Variants in ZBTB48 observed in about 807,000 individuals in gnomAD.
ZBTB48 encodes zinc finger and BTB domain-containing protein 48.
In ZBTB48, 35 loss-of-function variants were observed where a neutral mutation model predicts 64.5. The ratio of observed to expected loss-of-function variants is 0.54; its 90% CI spans 0.41 to 0.72. The LOEUF (loss-of-function observed/expected upper bound fraction) is 0.72. Among genes scored for constraint, ZBTB48 ranks in the 30% least tolerant of loss-of-function variants. ZBTB48 has a pLI of 0.00. For missense variants in ZBTB48, 828 were observed against 895.3 expected, an observed-to-expected ratio of 0.92 and a Z score of 0.96; for synonymous variants, 442 against 356.7, an observed-to-expected ratio of 1.24 and a Z score of -2.70.
intron 3 of ZBTB48, chr1:6,585,558 C>T: frequency 4.6e-6 from 1 of 218,390 alleles, no homozygotes. Flanking sequence ...CCAGTGGAGT[C>T]AGGTGAGGAT....
intron 2 of ZBTB48, among the ~76,000 whole-genome samples, chr1:6,581,642 C>T (rs1226259859): frequency 1.0e-4 from 15 of 149,328 alleles, no homozygotes; most frequent in South Asian, 2.1e-4. Context: ...CCAGCCTAGG[C>T]GACAGAGCAA....
rs1192783412 is a variant in ZBTB48 at position 6,580,636 on chromosome 1, T to A, written c.27T>A (p.Ser9Arg). 1 of 1,613,684 alleles carries A rather than the reference T, an allele frequency of 6.2e-7. No individual in the cohort carries two copies. The highest frequency in any genetic ancestry group is 8.5e-7 in the Non-Finnish European group (1 of 1,179,956). ...TGGACGGCTCCTTCGTCCAGCACAGTGTGAGGGTTCTGCAGGAGCTCAACA... is the reference window on the plus strand; with the variant it reads ...TGGACGGCTCCTTCGTCCAGCACAGAGTGAGGGTTCTGCAGGAGCTCAACA... MDGSFVQHSVRVLQELNKQ... is the reference protein window; with the variant it reads MDGSFVQHRVRVLQELNKQ... Residue 9 changes from serine (S) to arginine (R), a missense_variant, in exon 2 of 11, where the codon AGT becomes AGA. Transcript: ENST00000377674. This position sits in a 1 kb window ranked among gnomAD's most constrained non-coding sequence, Gnocchi z 5.2.
At chr1:6,586,330 C>G (rs1195483782) in intron 4 of ZBTB48, 1 of 499,856 alleles carries the variant, frequency 2.0e-6, no homozygotes, top group African/African-American at 1.9e-5. Context: ...GGGATGGCAG[C>G]TGGGAAAGGC....
chr1:6,581,340 G>A (rs2148683791), intron 2 of ZBTB48, 41 bp downstream of exon 2: 7 of 1,528,118 alleles, frequency 4.6e-6, no homozygotes, highest in Non-Finnish European at 5.3e-6. Context: ...GACAAATAGA[G>A]GGAATAGACA....
At chr1:6,582,663 G>T (rs1446750382) in intron 3 of ZBTB48, among the ~76,000 whole-genome samples, 3 of 152,146 alleles carry the variant, frequency 2.0e-5, no homozygotes, top group Non-Finnish European at 4.4e-5. Context: ...GGCAGTGTGG[G>T]CTTGAAGCCT....
intron 5 of ZBTB48, 144 bp from the exon 6 acceptor site, chr1:6,587,041 CCCTGAGGGCCCTCCTTTGCA>C (rs1228078958): frequency 1.1e-6 from 1 of 895,568 alleles, no homozygotes; most frequent in African/African-American, 1.7e-5. Context: ...GGCAGCTGAG[CCCTGAGGGCCCTCCTTTGCA>C]CCATCCTTCA....
chr1:6,588,634 G>T, intron 9 of ZBTB48, 122 bp from the exon 10 acceptor site: 5 of 1,477,936 alleles, frequency 3.4e-6, no homozygotes, highest in East Asian at 2.4e-5. Flanking sequence ...GCCTGGCAGG[G>T]CCTGTGCAGC....
Position 6,587,543 on chromosome 1 carries a change from C to T in ZBTB48, c.1290C>T (p.His430=). 1 of 1,614,124 alleles carries T rather than the reference C, an allele frequency of 6.2e-7. No homozygotes were observed. Among genetic ancestry groups the T allele is most frequent in the Non-Finnish European group, 8.5e-7 (1 of 1,180,040 alleles). ...TELQLHEAFK[H]RGEKLFVCEE... ...TGCAGCTGCATGAAGCTTTCAAGCA[C>T]CGTGGTGAGAAGCTGTTTGTGTGTG... is the stretch of plus-strand genomic sequence containing the variant. Residue 430 remains histidine, a synonymous_variant, in exon 7 of 11, where the codon CAC becomes CAT. Coordinates refer to ENST00000377674, the MANE Select transcript of ZBTB48 (RefSeq NM_005341.4).
Position 6,589,016 on chromosome 1 carries a change from T to G in ZBTB48, c.1871T>G (p.Val624Gly). The change falls in exon 11 of 11, where the codon GTG becomes GGG. Residue 624 changes from valine to glycine, a missense_variant. Physicochemically the swap from Val to Gly is moderately radical, Grantham distance 109. Transcript: ENST00000377674. Reference protein sequence around the residue: ...RNLIIEDEKMVVVALQPPAEL... With the variant: ...RNLIIEDEKMGVVALQPPAEL... ...CTGATCATCGAGGACGAGAAGATGG[T>G]GGTGGTGGCGCTGCAGCCGCCTGCA... 6.3e-7 allele frequency: 1 copy of G among 1,595,960 alleles called. No individual in the cohort carries two copies. The highest frequency in any genetic ancestry group is 1.1e-5 in the South Asian group (1 of 89,554).
At position 6,588,586 on chromosome 1, in the gene ZBTB48, G is replaced by T. The variant is rs141037594; in HGVS notation, c.1681+144G>T. 2.3e-3 allele frequency: 3,299 copies of T among 1,439,214 alleles called. 6 individuals carry two copies. The highest frequency in any genetic ancestry group is 2.7e-3 in the Non-Finnish European group (2,966 of 1,081,132). 89.2% of individuals were successfully genotyped at this position (1,439,214 alleles called of 1,614,324 possible). A position where few individuals can be genotyped will look rare whatever the true frequency, so the allele number is the denominator to read the frequency against. On this transcript the variant is annotated intron_variant, in intron 9 of 10. Transcript: ENST00000377674. ...GAGTGGACCTGCTTTGAAGGCAGGGGTGTCCTGTGCAGTAGTGACCCTGGG... is the reference window on the plus strand; with the variant it reads ...GAGTGGACCTGCTTTGAAGGCAGGGTTGTCCTGTGCAGTAGTGACCCTGGG...
In ZBTB48 at chr1:6,587,558, G is replaced by A. The variant is rs778774678; in HGVS notation, c.1305G>A (p.Leu435=). The change falls in exon 7 of 11, where the codon CTG becomes CTA. Residue 435 remains leucine (L), a synonymous_variant. Transcript: ENST00000377674. ...CTTTCAAGCACCGTGGTGAGAAGCT[G>A]TTTGTGTGTGAGGAGTGTGGGCACC... is the stretch of plus-strand genomic sequence containing the variant. The part of the protein sequence containing the change: ...HEAFKHRGEK[L]FVCEECGHRA... 6.2e-7 allele frequency: 1 copy of A among 1,614,094 alleles called. No individual in the cohort carries two copies. The highest frequency in any genetic ancestry group is 1.1e-5 in the South Asian group (1 of 91,090).
At chr1:6,587,963 C>T (rs555265676) in intron 7 of ZBTB48, 97 bp from the exon 8 acceptor site, 2 of 1,527,924 alleles carry the variant, frequency 1.3e-6, no homozygotes, top group African/African-American at 2.7e-5. Flanking sequence ...TAGCACTGCC[C>T]AAGCCCTCTT....
chr1:6,587,937 G>C (rs762770212), intron 7 of ZBTB48, 123 bp from the exon 8 acceptor site: 29 of 1,358,906 alleles, frequency 2.1e-5, no homozygotes, highest in Non-Finnish European at 4.0e-6. Context: ...TCGGGGTGGA[G>C]GTGGTGCCCC....
At chr1:6,583,702 G>A (rs1249301317) in intron 3 of ZBTB48, among the ~76,000 whole-genome samples, 3 of 151,036 alleles carry the variant, frequency 2.0e-5, no homozygotes, top group African/African-American at 7.3e-5. Flanking sequence ...CCAGGTTTAA[G>A]CGATTCTCCT....
intron 2 of ZBTB48, among the ~76,000 whole-genome samples, chr1:6,581,583 G>C (rs1028510470): frequency 4.0e-5 from 6 of 151,720 alleles, no homozygotes; most frequent in East Asian, 1.9e-4. Flanking sequence ...AGGATCACTT[G>C]AGCCCAGGAA....
rs1640720651 is a variant in ZBTB48 at position 6,587,580 on chromosome 1, C to T, written c.1327C>T (p.His443Tyr). ...GCTGTTTGTGTGTGAGGAGTGTGGG[C>T]ACCGGGCCTCGAGCCGGAATGGCCT... ...EKLFVCEECG[H>Y]RASSRNGLQM... Residue 443 changes from histidine (H) to tyrosine (Y), a missense_variant, in exon 7 of 11, where the codon CAC becomes TAC. Physicochemically the swap from His to Tyr is moderately conservative, Grantham distance 83. Coordinates refer to ENST00000377674, the MANE Select transcript of ZBTB48 (RefSeq NM_005341.4). 6.2e-7 allele frequency: 1 copy of T among 1,613,744 alleles called. No homozygotes were observed. The highest frequency in any genetic ancestry group is 1.3e-5 in the African/African-American group (1 of 74,916).
At position 6,586,753 on chromosome 1, in the gene ZBTB48, A is replaced by C; in HGVS notation, c.1103A>C (p.His368Pro). ...TFRRRMELRV[H>P]MVSHTGEMPY... is the part of the protein sequence containing the mutation. ...CGCCGAAGGATGGAGCTGCGGGTGCACATGGTGTCTCACACAGGGGAGATG... is the reference window on the plus strand; with the variant it reads ...CGCCGAAGGATGGAGCTGCGGGTGCCCATGGTGTCTCACACAGGGGAGATG... Residue 368 changes from histidine to proline, a missense_variant, in exon 5 of 11, where the codon CAC becomes CCC. Transcript: ENST00000377674. The C allele has an allele frequency of 6.2e-7, 1 of 1,600,026 alleles. No individual in the cohort carries two copies. The highest frequency in any genetic ancestry group is 8.5e-7 in the Non-Finnish European group (1 of 1,171,690).
In ZBTB48 at chr1:6,581,222, A is replaced by C; in HGVS notation, c.613A>C (p.Lys205Gln). Residue 205 changes from lysine (K) to glutamine (Q), a missense_variant, in exon 2 of 11, where the codon AAG becomes CAG. By Grantham distance (53) the Lys-to-Gln change is moderately conservative. Transcript: ENST00000377674. ...CTTGAAGCCTTGTCCCCTTGAGGAC[A>C]AGAAACCCGAGGACTGCAAAGTGCC... ...QALKPCPLEDKKPEDCKVPPR... is the reference protein window; with the variant it reads ...QALKPCPLEDQKPEDCKVPPR... The C allele has an allele frequency of 1.2e-6, 2 of 1,613,198 alleles. No individual in the cohort carries two copies. The highest frequency in any genetic ancestry group is 1.7e-6 in the Non-Finnish European group (2 of 1,179,990).
chr1:6,583,327 A>C (rs1167905171), intron 3 of ZBTB48, among the ~76,000 whole-genome samples: 2 of 150,742 alleles, frequency 1.3e-5, no homozygotes, highest in Non-Finnish European at 1.5e-5. Context: ...TTTGAGACGG[A>C]GTCTCACTCT....
Sources: allele counts gnomAD v4.1 joint callset (sites outside exome capture counted in the v4.1 genomes callset), GRCh38; gene constraint gnomAD v4.1.1; non-coding constraint Gnocchi (gnomAD v3.1); transcripts MANE v1.5; gene names NCBI Gene and HGNC (gene_info 2026-07-23, HGNC 2026-07-21).